The following ASRGL1 variants were observed in gnomAD, a reference collection of about 807,000 sequenced individuals.
The protein encoded by ASRGL1 is isoaspartyl peptidase/L-asparaginase.
A neutral mutation model predicts 22.4 loss-of-function variants in ASRGL1; 16 were observed. That is an observed-to-expected ratio of 0.71 (90% CI 0.48 to 1.08). The LOEUF (loss-of-function observed/expected upper bound fraction) is 1.08, where lower values mean the gene tolerates loss of function less well. ASRGL1 is among the 50% of genes least tolerant of loss of function. ASRGL1 has a pLI of 0.00. For missense variants in ASRGL1, 412 were observed against 410.1 expected, an observed-to-expected ratio of 1.00 and a Z score of -0.04; for synonymous variants, 165 against 159.3, an observed-to-expected ratio of 1.04 and a Z score of -0.27.
rs748562622 is a variant in ASRGL1, at chr11:62,389,142, A to G, written c.501A>G (p.Gly167=). ...AQKTDCQKNL[G]TVGAVALDCK... ...TGTTTATTTTTGGCAGAAACTTGGG[A>G]ACCGTGGGTGCTGTTGCCTTGGACT... Residue 167 remains glycine, a synonymous_variant, in exon 5 of 7, where the codon GGA becomes GGG. Transcript: ENST00000415229. The G allele has an allele frequency of 1.2e-6, 2 of 1,608,538 alleles. No individual in the cohort carries two copies. The highest frequency in any genetic ancestry group is 2.7e-5 in the African/African-American group (2 of 74,792).
chr11:62,341,196 A>AT (rs577020969), intron 2 of ASRGL1, among the ~76,000 whole-genome samples: 3,737 of 135,354 alleles, frequency 0.028, 71 homozygotes, highest in African/African-American at 0.042. Context: ...AGATAACAGG[A>AT]TTTTTTTTTT....
At chr11:62,391,871 TG>T in intron 6 of ASRGL1, 1 of 741,090 alleles carries the variant, frequency 1.3e-6, no homozygotes, top group Non-Finnish European at 2.2e-6. Context: ...ACATTGAGCC[TG>T]GATGTGGGAG....
rs1168563608 is a variant in ASRGL1 at position 62,389,122 on chromosome 11, A to G, written c.492-11A>G. The G allele has an allele frequency of 1.9e-6, 3 of 1,599,852 alleles. No individual in the cohort carries two copies. Among genetic ancestry groups the G allele is most frequent in the Non-Finnish European group, 2.6e-6 (3 of 1,169,748 alleles). ...TCAGCCTGTCACTTTTTTTCTGTTT[A>G]TTTTTGGCAGAAACTTGGGAACCGT... On this transcript the variant is annotated splice_polypyrimidine_tract_variant and intron_variant, in intron 4 of 6. Transcript: ENST00000415229.
rs1054496470 is a variant in ASRGL1, at chr11:62,356,077, C to G, written c.191-248C>G. Among the ~76,000 whole-genome samples, 7 of 152,234 alleles carry G rather than the reference C, an allele frequency of 4.6e-5. No homozygotes were observed. In the East Asian group the frequency reaches 5.8e-4, roughly 13 times the overall value. ...TCTCAATCTTTTCCCCACCTTTCCCCCCTTTCTATTCCACAAAACCGCCAT... is the reference window on the plus strand; with the variant it reads ...TCTCAATCTTTTCCCCACCTTTCCCGCCTTTCTATTCCACAAAACCGCCAT... On this transcript the variant is annotated intron_variant, in intron 2 of 6. Coordinates refer to ENST00000415229, the MANE Select transcript of ASRGL1 (RefSeq NM_001083926.2).
chr11:62,392,165 A>G lies in ASRGL1; in HGVS notation c.808A>G (p.Lys270Glu), dbSNP rs1172002552. Residue 270 changes from lysine to glutamate, a missense_variant, in exon 7 of 7, where the codon AAA becomes GAA. Physicochemically the swap from Lys to Glu is moderately conservative, Grantham distance 56 (BLOSUM62 1). Transcript: ENST00000415229. ...TTTAGGTGGCCTCATCGTGGTTAGC[A>G]AAACAGGAGACTGGGTGGCAAAGTG... is the stretch of plus-strand genomic sequence containing the variant. ...KGLGGLIVVS[K>E]TGDWVAKWTS... 2 of 1,614,232 alleles carry G rather than the reference A, an allele frequency of 1.2e-6. No homozygotes were observed. Among genetic ancestry groups the G allele is most frequent in the South Asian group, 2.2e-5 (2 of 91,090 alleles).
chr11:62,366,478 A>G (rs1179190402), intron 4 of ASRGL1, among the ~76,000 whole-genome samples: 4 of 135,866 alleles, frequency 2.9e-5, no homozygotes, highest in Non-Finnish European at 6.7e-5. Flanking sequence ...GACTGGGAGA[A>G]CCCTCCTTCC....
In ASRGL1 at chr11:62,384,107, A is replaced by G. The variant is rs543456257; in HGVS notation, c.492-5026A>G. ...TTAACAAATGACCCTGGTATGCACA[A>G]TAATAACTAAGTTAAGTCATCATTG... On this transcript the variant is annotated intron_variant, in intron 4 of 6. Coordinates refer to ENST00000415229, the MANE Select transcript of ASRGL1 (RefSeq NM_001083926.2). Among the ~76,000 whole-genome samples the G allele has an allele frequency of 3.3e-5, 5 of 151,164 alleles. No individual in the cohort carries two copies. In the East Asian group the frequency reaches 9.8e-4, roughly 30 times the overall value.
At chr11:62,343,512 A>G (rs1945923772) in intron 2 of ASRGL1, among the ~76,000 whole-genome samples, 2 of 150,900 alleles carry the variant, frequency 1.3e-5, no homozygotes, top group South Asian at 4.2e-4. Context: ...GGTGGATCAC[A>G]AGGTCAGGGG....
intron 4 of ASRGL1, among the ~76,000 whole-genome samples, chr11:62,377,246 A>T (rs9667211): frequency 1.7e-4 from 26 of 152,300 alleles, no homozygotes; most frequent in Admixed American, 1.0e-3. Context: ...GTGTGTGCCC[A>T]AATATGAGTA....
chr11:62,377,401 T>C (rs1946957983), intron 4 of ASRGL1, among the ~76,000 whole-genome samples: 1 of 152,188 alleles, frequency 6.6e-6, no homozygotes, highest in Non-Finnish European at 1.5e-5. Context: ...TGATACAATA[T>C]TAATAGGTTG....
chr11:62,381,669 T>C (rs1295217114), intron 4 of ASRGL1: 1 of 152,196 alleles, frequency 6.6e-6, no homozygotes, highest in Admixed American at 6.5e-5. Flanking sequence ...GGCAGAATTG[T>C]TCTACTGTTT....
chr11:62,356,592 C>G, intron 3 of ASRGL1, 125 bp downstream of exon 3: 1 of 1,219,420 alleles, frequency 8.2e-7, no homozygotes, highest in Non-Finnish European at 1.1e-6. Flanking sequence ...AAAACAGATG[C>G]AATGTATTTG....
chr11:62,399,251 C>A, the ASRGL1 span, among the ~76,000 whole-genome samples: 1 of 152,212 alleles, frequency 6.6e-6, no homozygotes, highest in Admixed American at 6.5e-5. Flanking sequence ...TTGTCCACTG[C>A]TCTCAAGCAC....
At position 62,356,413 on chromosome 11, in the gene ASRGL1, C is replaced by G; in HGVS notation, c.279C>G (p.Ser93=). 1 of 1,614,158 alleles carries G rather than the reference C, an allele frequency of 6.2e-7. No homozygotes were observed. The highest frequency in any genetic ancestry group is 8.5e-7 in the Non-Finnish European group (1 of 1,179,996). Residue 93 remains serine (S), a synonymous_variant, in exon 3 of 7, where the codon TCC becomes TCG. Coordinates refer to ENST00000415229, the MANE Select transcript of ASRGL1 (RefSeq NM_001083926.2). ...AAGACCTGTCTGCAGGAGCAGTGTC[C>G]GCAGTCCAGTGTATAGCAAATCCCA... is the stretch of plus-strand genomic sequence containing the variant. ...DGKDLSAGAV[S]AVQCIANPIK... is the part of the protein sequence containing the mutation.
intron 4 of ASRGL1, among the ~76,000 whole-genome samples, chr11:62,366,963 G>C (rs997890804): frequency 6.6e-6 from 1 of 152,192 alleles, no homozygotes; most frequent in African/African-American, 2.4e-5. Flanking sequence ...CCAGCAGCTT[G>C]GGAGGCTGAG....
chr11:62,401,177 G>A, the ASRGL1 span, among the ~76,000 whole-genome samples: 2 of 152,242 alleles, frequency 1.3e-5, no homozygotes, highest in African/African-American at 4.8e-5. Flanking sequence ...CAAACTAGGT[G>A]CTGTGCCTGT....
At chr11:62,389,087 A>G in intron 4 of ASRGL1, 46 bp from the exon 5 acceptor site, 1 of 1,508,464 alleles carries the variant, frequency 6.6e-7, no homozygotes, top group Non-Finnish European at 9.2e-7. Context: ...TATGGTGTTC[A>G]TTCTCATTTT....
At chr11:62,370,458 G>A (rs576696880) in intron 4 of ASRGL1, among the ~76,000 whole-genome samples, 54 of 152,160 alleles carry the variant, frequency 3.5e-4, no homozygotes, top group Non-Finnish European at 6.0e-4. Context: ...AAATTCTAAT[G>A]CAGTATGAGG....
intron 4 of ASRGL1, among the ~76,000 whole-genome samples, chr11:62,380,293 G>A (rs1947032123): frequency 1.3e-5 from 2 of 151,986 alleles, no homozygotes; most frequent in South Asian, 2.1e-4. Context: ...ATGACCTTAC[G>A]GGCATTTTCA....
Sources: allele counts gnomAD v4.1 joint callset (sites outside exome capture counted in the v4.1 genomes callset), GRCh38; gene constraint gnomAD v4.1.1; transcripts MANE v1.5; gene names NCBI Gene and HGNC (gene_info 2026-07-23, HGNC 2026-07-21).